Variants in ARL6 observed in about 807,000 individuals in gnomAD.
ARL6 encodes the protein ADP-ribosylation factor-like protein 6.
ARL6 carries 18 observed loss-of-function variants against 27.1 expected under a neutral mutation model. The ratio of observed to expected loss-of-function variants is 0.66; its 90% CI spans 0.46 to 0.98. The LOEUF (loss-of-function observed/expected upper bound fraction) is 0.98. Ranked by LOEUF, ARL6 falls within the 50% of genes least tolerant of loss-of-function variation. ARL6 has a pLI of 0.00. For synonymous variants in ARL6, 65 were observed against 72.3 expected (o/e 0.90, Z 0.51); for missense variants, 187 against 214.9 (o/e 0.87, Z 0.81).
intron 2 of ARL6, 81 bp downstream of exon 2, chr3:97,768,311 A>C: frequency 7.0e-7 from 1 of 1,429,462 alleles, no homozygotes; most frequent in South Asian, 1.2e-5. Flanking sequence ...TATGACGTTA[A>C]AACCGCATAT....
chr3:97,765,960 C>T (rs1206072753), intron 1 of ARL6: 1 of 152,148 alleles, frequency 6.6e-6, no homozygotes, highest in Non-Finnish European at 1.5e-5. Context: ...GTTTATAAAG[C>T]AATTTCAATA....
At chr3:97,775,652 T>A (rs1310317862) in intron 2 of ARL6, among the ~76,000 whole-genome samples, 2 of 152,166 alleles carry the variant, frequency 1.3e-5, no homozygotes, top group Admixed American at 6.5e-5. Context: ...GTATTAACCA[T>A]CACAAAGAAC....
At chr3:97,774,869 T>C (rs1304810669) in intron 2 of ARL6, among the ~76,000 whole-genome samples, 2 of 152,292 alleles carry the variant, frequency 1.3e-5, no homozygotes, top group East Asian at 3.9e-4. Flanking sequence ...TTCATAATTT[T>C]CTTTCATTAC....
At chr3:97,784,473 ATAG>A in intron 4 of ARL6, among the ~76,000 whole-genome samples, 1 of 150,908 alleles carries the variant, frequency 6.6e-6, no homozygotes, top group South Asian at 2.1e-4. Flanking sequence ...TAGTAAAACC[ATAG>A]TAGTAAAAAA....
intron 4 of ARL6, among the ~76,000 whole-genome samples, chr3:97,782,947 A>G (rs1046682249): frequency 6.6e-6 from 1 of 151,074 alleles, no homozygotes; most frequent in East Asian, 1.9e-4. Flanking sequence ...TTGGAATAGT[A>G]GGATTATAAG....
chr3:97,776,820 C>G (rs1439205990), intron 2 of ARL6, among the ~76,000 whole-genome samples: 2 of 152,078 alleles, frequency 1.3e-5, no homozygotes, highest in African/African-American at 4.8e-5. Context: ...CCACACCCCA[C>G]TACTTTTTTT....
chr3:97,773,996 A>G (rs895636101), intron 2 of ARL6, among the ~76,000 whole-genome samples: 3 of 152,160 alleles, frequency 2.0e-5, no homozygotes, highest in Non-Finnish European at 4.4e-5. Context: ...GTAGTTTCCC[A>G]TTGACCTTAA....
chr3:97,767,695 A>G (rs1178209412), intron 1 of ARL6, among the ~76,000 whole-genome samples: 1 of 152,066 alleles, frequency 6.6e-6, no homozygotes, highest in Non-Finnish European at 1.5e-5. Context: ...CATGAACCCC[A>G]TTGCCCATTC....
At chr3:97,791,951 A>G in intron 7 of ARL6, 125 bp downstream of exon 7, 6 of 829,582 alleles carry the variant, frequency 7.2e-6, no homozygotes, top group Non-Finnish European at 1.2e-5. Flanking sequence ...TTCTGCTATC[A>G]GAAAAAACAA....
At chr3:97,790,358 C>T (rs957495615) in intron 6 of ARL6, among the ~76,000 whole-genome samples, 6 of 151,920 alleles carry the variant, frequency 3.9e-5, no homozygotes, top group Non-Finnish European at 8.8e-5. Flanking sequence ...GTTCCAGGAG[C>T]AGCAAGAAGT....
intron 7 of ARL6, among the ~76,000 whole-genome samples, chr3:97,794,496 G>A (rs961098392): frequency 4.1e-4 from 62 of 152,138 alleles, no homozygotes; most frequent in African/African-American, 1.4e-3. Context: ...TTACAGGCAT[G>A]AGCCACCGCG....
rs1356966619 is a variant in ARL6, at chr3:97,798,903, C to CA, written c.*855dup. Reference sequence around the variant, plus strand: ...TAATCATTACTGACATCTTGTTTTTCACTTTTAAATGCCTCCAATTTACCA... The same window carrying CA: ...TAATCATTACTGACATCTTGTTTTTCAACTTTTAAATGCCTCCAATTTACCA... On this transcript the variant is annotated 3_prime_UTR_variant, in exon 8 of 8. Coordinates refer to ENST00000463745, the MANE Select transcript of ARL6 (RefSeq NM_001278293.3). 6.6e-6 allele frequency: 1 copy of CA among 151,956 alleles called. No individual in the cohort carries two copies. Among genetic ancestry groups the CA allele is most frequent in the African/African-American group, 2.4e-5 (1 of 41,416 alleles). The allele number at this position is 151,956 out of a possible 1,614,324, so 9.4% of individuals were successfully genotyped here. A position where few individuals can be genotyped will look rare whatever the true frequency, so the allele number is the denominator to read the frequency against.
chr3:97,792,925 A>T (rs1051208615), intron 7 of ARL6, among the ~76,000 whole-genome samples: 1 of 152,130 alleles, frequency 6.6e-6, no homozygotes, highest in Non-Finnish European at 1.5e-5. Context: ...CATAGTTACA[A>T]ATTCTTCTAC....
chr3:97,796,507 A>G (rs1466110815), intron 7 of ARL6, among the ~76,000 whole-genome samples: 1 of 152,144 alleles, frequency 6.6e-6, no homozygotes, highest in Non-Finnish European at 1.5e-5. Flanking sequence ...TATCCAAATA[A>G]TAGGAAATTC....
chr3:97,783,431 C>A (rs1228263706), intron 4 of ARL6, among the ~76,000 whole-genome samples: 1 of 151,764 alleles, frequency 6.6e-6, no homozygotes, highest in East Asian at 1.9e-4. Flanking sequence ...ATTTCTTTAA[C>A]CATTTCTCTA....
At chr3:97,779,914 G>A (rs2037102473) in intron 2 of ARL6, among the ~76,000 whole-genome samples, 1 of 151,234 alleles carries the variant, frequency 6.6e-6, no homozygotes, top group Non-Finnish European at 1.5e-5. Flanking sequence ...AAACGCTTAT[G>A]TCCTTGGTAG....
chr3:97,787,854 G>A, intron 5 of ARL6, 136 bp from the exon 6 acceptor site: 3 of 858,996 alleles, frequency 3.5e-6, no homozygotes, highest in South Asian at 1.6e-5. Context: ...GACAGTATGT[G>A]TCTTTAAATG....
intron 2 of ARL6, among the ~76,000 whole-genome samples, chr3:97,775,296 G>A (rs369284806): frequency 3.9e-5 from 6 of 152,240 alleles, no homozygotes; most frequent in African/African-American, 9.6e-5. Flanking sequence ...ATTAACTCAC[G>A]TGATCACAGA....
intron 7 of ARL6, among the ~76,000 whole-genome samples, chr3:97,795,009 G>A (rs541211850): frequency 3.6e-4 from 55 of 152,178 alleles, no homozygotes; most frequent in Admixed American, 7.2e-4. Context: ...CTCTGGGGGT[G>A]GAGGTTGCAG....
Sources: gnomAD v4.1 joint callset for allele counts (sites outside exome capture counted in the v4.1 genomes callset) on GRCh38, gnomAD v4.1.1 for gene constraint, MANE v1.5 for transcripts, NCBI Gene and HGNC (gene_info 2026-07-23, HGNC 2026-07-21) for gene names.